The following PTPRT variants were observed in gnomAD, a reference collection of about 807,000 sequenced individuals.
PTPRT encodes receptor-type tyrosine-protein phosphatase T.
PTPRT carries 56 observed loss-of-function variants against 176.8 expected under a neutral mutation model. That is an observed-to-expected ratio of 0.32 (90% confidence interval 0.26 to 0.40). The LOEUF is 0.40. PTPRT is among the 10% of genes least tolerant of loss of function. The pLI is 1.00. For missense variants in PTPRT, 1,540 were observed against 1,908.2 expected, an observed-to-expected ratio of 0.81 and a Z score of 3.60; for synonymous variants, 783 against 739.0, an observed-to-expected ratio of 1.06 and a Z score of -0.96.
At chr20:42,439,256 T>C (rs1317574891) in intron 9 of PTPRT, among the ~76,000 whole-genome samples, 1 of 152,166 alleles carries the variant, frequency 6.6e-6, no homozygotes, top group African/African-American at 2.4e-5. Flanking sequence ...TATTGTTTTG[T>C]GTGTGCACAT....
At chr20:42,510,659 G>T (rs1216148154) in intron 7 of PTPRT, among the ~76,000 whole-genome samples, 3 of 152,072 alleles carry the variant, frequency 2.0e-5, no homozygotes, top group Non-Finnish European at 4.4e-5. Context: ...GTAGAACTAA[G>T]GGGTGGCAGG....
intron 9 of PTPRT, among the ~76,000 whole-genome samples, chr20:42,395,277 C>T (rs920174555): frequency 5.9e-5 from 9 of 152,166 alleles, no homozygotes; most frequent in African/African-American, 1.7e-4. Flanking sequence ...GGTGAGAACA[C>T]GGCACATGTC....
chr20:42,485,144 G>A (rs1168689024), intron 7 of PTPRT, among the ~76,000 whole-genome samples: 1 of 152,170 alleles, frequency 6.6e-6, no homozygotes, highest in African/African-American at 2.4e-5. Flanking sequence ...GAGGAAATCG[G>A]GTTGGGAAAA....
the PTPRT span, among the ~76,000 whole-genome samples, chr20:42,060,649 G>C: frequency 6.6e-6 from 1 of 152,208 alleles, no homozygotes; most frequent in Admixed American, 6.5e-5. Context: ...GACATGACTT[G>C]TTCCTCCTTG....
intron 9 of PTPRT, among the ~76,000 whole-genome samples, chr20:42,395,377 T>C (rs2058839498): frequency 6.6e-6 from 1 of 152,216 alleles, no homozygotes; most frequent in African/African-American, 2.4e-5. Flanking sequence ...AACTCTTCTA[T>C]GTGTGAGTGA....
intron 13 of PTPRT, 23 bp downstream of exon 13, chr20:42,282,466 C>T: frequency 2.5e-6 from 4 of 1,604,794 alleles, no homozygotes; most frequent in Non-Finnish European, 3.4e-6. Flanking sequence ...CAGGTGAAGA[C>T]AGACAAGCAG....
At chr20:42,721,125 G>A (rs1382255494) in intron 6 of PTPRT, among the ~76,000 whole-genome samples, 1 of 152,194 alleles carries the variant, frequency 6.6e-6, no homozygotes, top group African/African-American at 2.4e-5. Context: ...AAAAAGCAGG[G>A]AGTTTGCATG....
At chr20:42,435,692 T>C (rs967010629) in intron 9 of PTPRT, among the ~76,000 whole-genome samples, 1 of 152,192 alleles carries the variant, frequency 6.6e-6, no homozygotes, top group African/African-American at 2.4e-5. Flanking sequence ...TTGAATATCA[T>C]AAAATGTCAA....
At chr20:42,128,565 T>C (rs1987970998) in intron 19 of PTPRT, among the ~76,000 whole-genome samples, 189 bp downstream of exon 19, 1 of 152,176 alleles carries the variant, frequency 6.6e-6, no homozygotes, top group Non-Finnish European at 1.5e-5. Context: ...TAGAGCAGGC[T>C]ACTACAGCTA....
At chr20:43,042,533 C>T (rs1986649424) in intron 1 of PTPRT, among the ~76,000 whole-genome samples, 1 of 140,294 alleles carries the variant, frequency 7.1e-6, no homozygotes, top group Admixed American at 7.5e-5. Flanking sequence ...ATCTCTGCCT[C>T]AGGAAGAGTC....
At chr20:42,981,986 C>T (rs368997585) in intron 1 of PTPRT, among the ~76,000 whole-genome samples, 79 of 152,156 alleles carry the variant, frequency 5.2e-4, no homozygotes, top group African/African-American at 1.7e-3. Flanking sequence ...ACAACTAGAC[C>T]GAGGGAAGAA....
chr20:42,110,818 A>G (rs76095801), intron 22 of PTPRT, among the ~76,000 whole-genome samples: 3,414 of 152,238 alleles, frequency 0.022, 131 homozygotes, highest in African/African-American at 0.078. Context: ...CAAATGTTTC[A>G]TAGGAGGTGT....
At chr20:42,199,665 T>C (rs1991373078) in intron 15 of PTPRT, among the ~76,000 whole-genome samples, 1 of 152,154 alleles carries the variant, frequency 6.6e-6, no homozygotes. Context: ...CCCACTCTCC[T>C]TTCAGAGGAA....
intron 1 of PTPRT, among the ~76,000 whole-genome samples, chr20:43,012,652 T>G (rs1244632986): frequency 6.6e-6 from 1 of 152,186 alleles, no homozygotes. Context: ...ATGAGAAGAA[T>G]GGGCAGTGCT....
At chr20:42,157,242 C>G (rs1989397179) in intron 17 of PTPRT, among the ~76,000 whole-genome samples, 1 of 152,140 alleles carries the variant, frequency 6.6e-6, no homozygotes, top group Non-Finnish European at 1.5e-5. Flanking sequence ...ACTATTGGAA[C>G]CTCCTCTACT....
At chr20:42,059,544 T>C in the PTPRT span, among the ~76,000 whole-genome samples, 1 of 152,190 alleles carries the variant, frequency 6.6e-6, no homozygotes, top group Non-Finnish European at 1.5e-5. Flanking sequence ...TTTTGACCTA[T>C]AAAAAAGGCA....
chr20:42,083,929 C>A (rs1983613080), intron 29 of PTPRT, among the ~76,000 whole-genome samples: 1 of 152,194 alleles, frequency 6.6e-6, no homozygotes, highest in Non-Finnish European at 1.5e-5. Flanking sequence ...AGGATAGATT[C>A]TGTGACACTT....
intron 7 of PTPRT, among the ~76,000 whole-genome samples, chr20:42,490,813 G>T (rs1482639507): frequency 6.6e-6 from 1 of 152,096 alleles, no homozygotes; most frequent in African/African-American, 2.4e-5. Context: ...AATATTTGCT[G>T]TAGAATTTTG....
chr20:43,020,229 A>ATT (rs1985605913), intron 1 of PTPRT, among the ~76,000 whole-genome samples: 2 of 147,522 alleles, frequency 1.4e-5, no homozygotes, highest in Non-Finnish European at 3.0e-5. Flanking sequence ...TATGTAATAT[A>ATT]TATATATATA....
Sources: gnomAD v4.1 joint callset for allele counts (sites outside exome capture counted in the v4.1 genomes callset) on GRCh38, gnomAD v4.1.1 for gene constraint, MANE v1.5 for transcripts, NCBI Gene and HGNC (gene_info 2026-07-23, HGNC 2026-07-21) for gene names.